The following ATP6V1H variants were observed in gnomAD, a reference collection of about 807,000 sequenced individuals.
ATP6V1H encodes ATPase H+ transporting V1 subunit H.
A neutral mutation model predicts 71.7 loss-of-function variants in ATP6V1H; 39 were observed. That is an observed-to-expected ratio of 0.54 (90% confidence interval 0.42 to 0.71). The LOEUF (loss-of-function observed/expected upper bound fraction) is 0.71. ATP6V1H is among the 30% of genes least tolerant of loss of function. The pLI is 0.00. For missense variants in ATP6V1H, 509 were observed against 594.9 expected (o/e 0.86, Z 1.50); for synonymous variants, 192 against 199.3 (o/e 0.96, Z 0.31).
At chr8:53,743,149 G>C (rs1807474325) in intron 13 of ATP6V1H, among the ~76,000 whole-genome samples, 1 of 152,220 alleles carries the variant, frequency 6.6e-6, no homozygotes, top group Non-Finnish European at 1.5e-5. Flanking sequence ...TGAAATGTGA[G>C]AGCTGAATCT....
intron 3 of ATP6V1H, among the ~76,000 whole-genome samples, chr8:53,830,605 T>A (rs1451072278): frequency 6.6e-6 from 1 of 152,196 alleles, no homozygotes; most frequent in Non-Finnish European, 1.5e-5. Context: ...AGAACTCTTT[T>A]TCAGATATAC....
At chr8:53,819,731 A>G (rs186064154) in intron 4 of ATP6V1H, among the ~76,000 whole-genome samples, 3 of 142,080 alleles carry the variant, frequency 2.1e-5, no homozygotes, top group Admixed American at 7.0e-5. Context: ...TTGTATATAT[A>G]TAGTATATAG....
intron 13 of ATP6V1H, among the ~76,000 whole-genome samples, chr8:53,738,057 T>C (rs1391230101): frequency 6.6e-6 from 1 of 152,180 alleles, no homozygotes; most frequent in Non-Finnish European, 1.5e-5. Context: ...GTTTGCTTTA[T>C]CTTAATTAAA....
chr8:53,771,459 T>C (rs909013717), intron 10 of ATP6V1H, among the ~76,000 whole-genome samples: 4 of 152,110 alleles, frequency 2.6e-5, no homozygotes, highest in African/African-American at 9.7e-5. Flanking sequence ...AGAAGGCTTT[T>C]TGGAAGCAAA....
intron 12 of ATP6V1H, among the ~76,000 whole-genome samples, chr8:53,744,562 G>A (rs374728567): frequency 6.6e-6 from 1 of 152,190 alleles, no homozygotes; most frequent in African/African-American, 2.4e-5. Flanking sequence ...CCTTAATGCA[G>A]TACAGTGTTT....
At chr8:53,842,183 C>T (rs77168461) in intron 1 of ATP6V1H, among the ~76,000 whole-genome samples, 1 of 152,156 alleles carries the variant, frequency 6.6e-6, no homozygotes, top group African/African-American at 2.4e-5. Flanking sequence ...TAAGTCCTTT[C>T]GAAAATTACT....
At chr8:53,806,773 T>C (rs1810089474) in intron 7 of ATP6V1H, 10 of 442,090 alleles carry the variant, frequency 2.3e-5, no homozygotes, top group Admixed American at 1.3e-4. Context: ...TCAGAATATA[T>C]CTCCAGGCAA....
chr8:53,727,476 T>C (rs529457039), intron 13 of ATP6V1H, among the ~76,000 whole-genome samples: 96 of 152,354 alleles, frequency 6.3e-4, no homozygotes, highest in African/African-American at 2.2e-3. Context: ...TTCCATGTTT[T>C]GTCAGAGTCC....
intron 4 of ATP6V1H, among the ~76,000 whole-genome samples, chr8:53,825,889 T>A (rs1391992783): frequency 6.6e-6 from 1 of 152,050 alleles, no homozygotes; most frequent in Non-Finnish European, 1.5e-5. Context: ...AATTTTTTTT[T>A]ATAAATTAGA....
At chr8:53,781,507 G>A (rs966338187) in intron 9 of ATP6V1H, among the ~76,000 whole-genome samples, 3 of 152,168 alleles carry the variant, frequency 2.0e-5, no homozygotes. Flanking sequence ...TCACTCTGGT[G>A]GTGGTTTCTT....
intron 13 of ATP6V1H, among the ~76,000 whole-genome samples, chr8:53,721,512 A>C (rs1449937282): frequency 6.6e-6 from 1 of 152,188 alleles, no homozygotes; most frequent in East Asian, 1.9e-4. Flanking sequence ...TGCTTGACAT[A>C]CATTTTCTTA....
chr8:53,792,633 G>A (rs1289036082), intron 9 of ATP6V1H, among the ~76,000 whole-genome samples: 2 of 152,178 alleles, frequency 1.3e-5, no homozygotes, highest in East Asian at 3.8e-4. Context: ...TAGCAGGGTG[G>A]TTAAGAGGAC....
chr8:53,814,205 C>A (rs557369135), intron 6 of ATP6V1H, among the ~76,000 whole-genome samples: 16 of 152,286 alleles, frequency 1.1e-4, no homozygotes, highest in Admixed American at 7.2e-4. Flanking sequence ...CAAGATTTCT[C>A]GCACAAATCT....
chr8:53,727,236 C>T (rs1173028120), intron 13 of ATP6V1H, among the ~76,000 whole-genome samples: 1 of 152,244 alleles, frequency 6.6e-6, no homozygotes, highest in Non-Finnish European at 1.5e-5. Context: ...GCTGCACCCA[C>T]TGCATACTTT....
intron 11 of ATP6V1H, among the ~76,000 whole-genome samples, chr8:53,766,344 CTTTAA>C (rs765986830): frequency 6.6e-6 from 1 of 152,224 alleles, no homozygotes; most frequent in Non-Finnish European, 1.5e-5. Flanking sequence ...CTATGCCTGT[CTTTAA>C]TTTAATCTCT....
intron 2 of ATP6V1H, among the ~76,000 whole-genome samples, chr8:53,837,817 G>A (rs945683921): frequency 3.9e-5 from 6 of 152,172 alleles, no homozygotes; most frequent in African/African-American, 1.4e-4. Context: ...CATGCAAGGG[G>A]AACACAACAT....
At chr8:53,740,323 G>A (rs186291263) in intron 13 of ATP6V1H, among the ~76,000 whole-genome samples, 152 of 152,196 alleles carry the variant, frequency 1.0e-3, no homozygotes, top group African/African-American at 3.5e-3. Flanking sequence ...TGTATCCAAA[G>A]TTACAATTTA....
intron 13 of ATP6V1H, among the ~76,000 whole-genome samples, chr8:53,732,188 T>C (rs1032642785): frequency 3.3e-5 from 5 of 152,168 alleles, no homozygotes; most frequent in African/African-American, 1.2e-4. Flanking sequence ...TAGTGTGAAT[T>C]AGACAAGTGA....
intron 2 of ATP6V1H, among the ~76,000 whole-genome samples, chr8:53,841,005 C>G (rs1416098757): frequency 6.6e-6 from 1 of 152,150 alleles, no homozygotes; most frequent in African/African-American, 2.4e-5. Context: ...TGCTTGTATT[C>G]TACTGTGCTA....
Sources: gnomAD v4.1 joint callset for allele counts (sites outside exome capture counted in the v4.1 genomes callset) on GRCh38, gnomAD v4.1.1 for gene constraint, MANE v1.5 for transcripts, NCBI Gene and HGNC (gene_info 2026-07-23, HGNC 2026-07-21) for gene names.